UGT2A3: variants seen among roughly 807,000 people sequenced by gnomAD.
The protein encoded by UGT2A3 is UDP glucuronosyltransferase family 2 member A3, also known as UDP-glucuronosyltransferase 2A3.
In UGT2A3, 55 loss-of-function variants were observed where a neutral mutation model predicts 44.1. That is an observed-to-expected ratio of 1.25 (90% CI 1.00 to 1.56). The LOEUF (loss-of-function observed/expected upper bound fraction) is 1.56. Among genes scored for constraint, UGT2A3 ranks in the 40% most tolerant of loss-of-function variants. The pLI is 0.00. For synonymous variants in UGT2A3, 243 were observed against 215.1 expected, an observed-to-expected ratio of 1.13 and a Z score of -1.13; for missense variants, 733 against 621.6, an observed-to-expected ratio of 1.18 and a Z score of -1.91.
intron 1 of UGT2A3, among the ~76,000 whole-genome samples, chr4:68,947,515 T>A (rs918268906): frequency 3.3e-5 from 5 of 151,896 alleles, no homozygotes; most frequent in African/African-American, 9.6e-5. Context: ...AGAGTTAGAA[T>A]CAAATTTTTT....
intron 2 of UGT2A3, among the ~76,000 whole-genome samples, chr4:68,938,289 T>C (rs771608268): frequency 2.6e-5 from 4 of 151,968 alleles, no homozygotes; most frequent in Non-Finnish European, 5.9e-5. Flanking sequence ...CTGAGGAATA[T>C]CACTGCAAAA....
At chr4:68,930,435 A>G in intron 5 of UGT2A3, 111 bp downstream of exon 5, 1 of 1,036,454 alleles carries the variant, frequency 9.6e-7, no homozygotes, top group South Asian at 1.7e-5. Flanking sequence ...ATGACTCAAT[A>G]TTGTGGAGTA....
intron 3 of UGT2A3, among the ~76,000 whole-genome samples, chr4:68,931,843 G>A (rs1183424356): frequency 6.6e-6 from 1 of 151,534 alleles, no homozygotes; most frequent in African/African-American, 2.4e-5. Flanking sequence ...TTCTTTGTTG[G>A]ACACCTATAC....
At position 68,929,671 on chromosome 4, in the gene UGT2A3, T is replaced by A; in HGVS notation, c.*142A>T. 1 of 763,774 alleles carries A rather than the reference T, an allele frequency of 1.3e-6. No individual in the cohort carries two copies. 47.3% of individuals were successfully genotyped at this position (763,774 alleles called of 1,614,324 possible). On this transcript the variant is annotated 3_prime_UTR_variant, in exon 6 of 6. Transcript: ENST00000251566. ...GAAAGAATGAGATATACTCACAACCTCATGATCGTGGAATTCTAGGCTATA... is the reference window on the plus strand; with the variant it reads ...GAAAGAATGAGATATACTCACAACCACATGATCGTGGAATTCTAGGCTATA...
chr4:68,943,582 G>C (rs1718273835), intron 2 of UGT2A3, among the ~76,000 whole-genome samples: 2 of 151,606 alleles, frequency 1.3e-5, no homozygotes, highest in Admixed American at 1.3e-4. Flanking sequence ...TGTTACCATA[G>C]CTATTGTGGT....
chr4:68,935,333 T>C (rs1046308354), intron 2 of UGT2A3, among the ~76,000 whole-genome samples: 3 of 139,330 alleles, frequency 2.2e-5, no homozygotes, highest in African/African-American at 7.8e-5. Flanking sequence ...ATATATTTGC[T>C]TCCAGAGGAA....
intron 2 of UGT2A3, among the ~76,000 whole-genome samples, chr4:68,941,364 A>G (rs981387436): frequency 3.9e-5 from 6 of 151,938 alleles, no homozygotes; most frequent in African/African-American, 1.4e-4. Flanking sequence ...ACTTTTGACA[A>G]AGGTGCCAAG....
At chr4:68,944,203 G>C (rs1037904231) in intron 2 of UGT2A3, among the ~76,000 whole-genome samples, 1 of 151,804 alleles carries the variant, frequency 6.6e-6, no homozygotes, top group African/African-American at 2.4e-5. Flanking sequence ...GGTTACCTTT[G>C]TAGGGATAAA....
At chr4:68,937,309 T>A (rs74871352) in intron 2 of UGT2A3, among the ~76,000 whole-genome samples, 1 of 152,058 alleles carries the variant, frequency 6.6e-6, no homozygotes, top group African/African-American at 2.4e-5. Context: ...GACCACATAA[T>A]TGGAAGTAAA....
intron 1 of UGT2A3, among the ~76,000 whole-genome samples, chr4:68,946,539 C>T (rs972561411): frequency 1.3e-5 from 2 of 151,616 alleles, no homozygotes; most frequent in African/African-American, 2.4e-5. Context: ...GCCTCACATG[C>T]TGCCTGCATT....
At chr4:68,943,965 T>C (rs527423002) in intron 2 of UGT2A3, among the ~76,000 whole-genome samples, 4 of 151,840 alleles carry the variant, frequency 2.6e-5, no homozygotes, top group South Asian at 2.1e-4. Context: ...TTTTGGCACA[T>C]AGATCCCTCA....
At chr4:68,948,042 G>T (rs1174950130) in intron 1 of UGT2A3, among the ~76,000 whole-genome samples, 1 of 151,786 alleles carries the variant, frequency 6.6e-6, no homozygotes, top group African/African-American at 2.4e-5. Context: ...CACTACAAGA[G>T]ATTCAGCCTG....
At chr4:68,932,908 T>A in intron 2 of UGT2A3, 149 bp from the exon 3 acceptor site, 2 of 784,282 alleles carry the variant, frequency 2.6e-6, no homozygotes, top group Non-Finnish European at 4.0e-6. Flanking sequence ...AACTATCTAG[T>A]CTCTTTAAAG....
At chr4:68,946,237 A>G (rs549055844) in intron 1 of UGT2A3, among the ~76,000 whole-genome samples, 1 of 151,864 alleles carries the variant, frequency 6.6e-6, no homozygotes, top group African/African-American at 2.4e-5. Flanking sequence ...CTTTACAAAA[A>G]CATATTTTGC....
chr4:68,945,345 A>C lies in UGT2A3; in HGVS notation c.825T>G (p.Val275=), dbSNP rs192651229. The change falls in exon 2 of 6, where the codon GTT becomes GTG. Residue 275 remains valine (V), a synonymous_variant. Transcript: ENST00000251566. The part of the protein sequence containing the change: ...PQPYQPNFEF[V]GGLHCKPAKA... Reference sequence around the variant, plus strand: ...TGGCAGGTTTACAGTGCAATCCTCCAACAAACTCAAAGTTAGGTTGGTATG... The same window carrying C: ...TGGCAGGTTTACAGTGCAATCCTCCCACAAACTCAAAGTTAGGTTGGTATG... 3 of 1,611,556 alleles carry C rather than the reference A, an allele frequency of 1.9e-6. No homozygotes were observed. The East Asian group carries it at 6.7e-5, about 36-fold the overall frequency.
At chr4:68,935,173 C>G (rs1717887563) in intron 2 of UGT2A3, among the ~76,000 whole-genome samples, 1 of 150,386 alleles carries the variant, frequency 6.6e-6, no homozygotes, top group Non-Finnish European at 1.5e-5. Flanking sequence ...CTCTTCCAAA[C>G]CATCAAAAAG....
At chr4:68,938,305 CAATAAA>C (rs997613733) in intron 2 of UGT2A3, among the ~76,000 whole-genome samples, 24 of 152,090 alleles carry the variant, frequency 1.6e-4, no homozygotes, top group Admixed American at 6.6e-5. Flanking sequence ...CAAAAACCCT[CAATAAA>C]ATACTGGCAA....
chr4:68,930,929 C>T (rs183082903), intron 4 of UGT2A3, among the ~76,000 whole-genome samples, 164 bp from the exon 5 acceptor site: 4 of 152,194 alleles, frequency 2.6e-5, no homozygotes, highest in African/African-American at 9.6e-5. Flanking sequence ...ATTTCTATCT[C>T]CAGAAAAATA....
At chr4:68,940,719 T>TTA (rs1204366680) in intron 2 of UGT2A3, among the ~76,000 whole-genome samples, 18 of 147,754 alleles carry the variant, frequency 1.2e-4, no homozygotes, top group Middle Eastern at 3.6e-3. Context: ...ACTTAAAGTA[T>TTA]TGTATATATA....
Sources: gnomAD v4.1 joint callset for allele counts (sites outside exome capture counted in the v4.1 genomes callset) on GRCh38, gnomAD v4.1.1 for gene constraint, MANE v1.5 for transcripts, NCBI Gene and HGNC (gene_info 2026-07-23, HGNC 2026-07-21) for gene names.